Variants in DSTYK observed in about 807,000 individuals in gnomAD.
The protein encoded by DSTYK is RIP-homologous kinase.
A neutral mutation model predicts 98.7 loss-of-function variants in DSTYK; 34 were observed. That is an observed-to-expected ratio of 0.34 (90% CI 0.26 to 0.46). The LOEUF is 0.46. Ranked by LOEUF, DSTYK falls within the 20% of genes least tolerant of loss-of-function variation. The pLI, the probability that DSTYK is intolerant of heterozygous loss-of-function variation, is 1.00. For synonymous variants in DSTYK, 462 were observed against 457.3 expected (o/e 1.01, Z -0.13); for missense variants, 962 against 1,181.7 (o/e 0.81, Z 2.73).
chr1:205,161,614 C>T (rs1021521113), intron 6 of DSTYK, among the ~76,000 whole-genome samples: 2 of 152,182 alleles, frequency 1.3e-5, no homozygotes, highest in African/African-American at 4.8e-5. Flanking sequence ...CCTGGACACA[C>T]CCACTCCCCG....
At position 205,155,233 on chromosome 1, in the gene DSTYK, C is replaced by T. The variant is rs183081630; in HGVS notation, c.2352+2040G>A. 4.7e-3 allele frequency among the ~76,000 whole-genome samples: 716 copies of T among 152,050 alleles called. 8 individuals carry two copies. Among genetic ancestry groups the T allele is most frequent in the African/African-American group, 0.016 (682 of 41,488 alleles). On this transcript the variant is annotated intron_variant, in intron 10 of 12. Transcript: ENST00000367162. The stretch of plus-strand genomic sequence containing the variant: ...TCCTGACTTTAGGTGATCCACCCAC[C>T]TTGGCCTCCCAAAGTGCTGGGATTA...
At chr1:205,199,785 G>A (rs1658972366) in intron 1 of DSTYK, among the ~76,000 whole-genome samples, 1 of 152,132 alleles carries the variant, frequency 6.6e-6, no homozygotes, top group South Asian at 2.1e-4. Context: ...CTATTTTCCT[G>A]TAAGAAGGAG....
intron 2 of DSTYK, among the ~76,000 whole-genome samples, chr1:205,176,504 A>G (rs1014196374): frequency 2.0e-5 from 3 of 150,596 alleles, no homozygotes; most frequent in African/African-American, 7.3e-5. Flanking sequence ...AAAAAAAAAA[A>G]AAAAAGAAAT....
Position 205,160,116 on chromosome 1 carries a change from C to T in DSTYK, c.2103G>A (p.Met701Ile). Reference sequence around the variant, plus strand: ...AGATGAATGAGGCCAGGACCCACCTCATATAGTGAAATTCCAAAGCCAGAT... The same window carrying T: ...AGATGAATGAGGCCAGGACCCACCTTATATAGTGAAATTCCAAAGCCAGAT... ...WNDLALEFHY[M>I]RSLPKHERLV... Residue 701 changes from methionine (M) to isoleucine (I), a missense_variant and splice_region_variant, in exon 8 of 13, where the codon ATG becomes ATA. Around this residue, in one of 4 missense-constraint regions of DSTYK, gnomAD observed 660 missense variants for 855.0 expected, o/e 0.77. Transcript: ENST00000367162. The T allele has an allele frequency of 6.2e-7, 1 of 1,614,152 alleles. No homozygotes were observed. The highest frequency in any genetic ancestry group is 8.5e-7 in the Non-Finnish European group (1 of 1,180,000).
rs202155350 is a variant in DSTYK at position 205,160,255 on chromosome 1, C to G, written c.1964G>C (p.Gly655Ala). Reference sequence around the variant, plus strand: ...ATACTGGCCCCGGCCCAGTTCCTGTCCCAGTTTAGGTTTACCTATAAGGTA... The same window carrying G: ...ATACTGGCCCCGGCCCAGTTCCTGTGCCAGTTTAGGTTTACCTATAAGGTA... ...DVLLHRKPKL[G>A]QELGRGQYGV... Residue 655 changes from glycine (G) to alanine (A), a missense_variant, in exon 8 of 13, where the codon GGA (glycine) becomes GCA (alanine). By Grantham distance (60) the Gly-to-Ala change is moderately conservative. This residue lies in a region of DSTYK where 660 missense variants were observed against 855.0 expected (regional missense o/e 0.77). Coordinates refer to ENST00000367162, the MANE Select transcript of DSTYK (RefSeq NM_015375.3). The G allele has an allele frequency of 6.2e-7, 1 of 1,614,036 alleles. No homozygotes were observed.
intron 2 of DSTYK, among the ~76,000 whole-genome samples, chr1:205,184,445 G>A (rs538127488): frequency 2.0e-5 from 3 of 151,906 alleles, no homozygotes; most frequent in South Asian, 2.1e-4. Context: ...GGTGGCAGGC[G>A]CCTATAATCC....
At chr1:205,208,354 T>C (rs1474589122) in intron 1 of DSTYK, among the ~76,000 whole-genome samples, 1 of 152,220 alleles carries the variant, frequency 6.6e-6, no homozygotes, top group Non-Finnish European at 1.5e-5. Context: ...AAATGGTATA[T>C]AGACATGAAA....
At chr1:205,159,863 C>G (rs1053003133) in intron 8 of DSTYK, 184 bp from the exon 9 acceptor site, 2 of 819,590 alleles carry the variant, frequency 2.4e-6, no homozygotes, top group Non-Finnish European at 3.8e-6. Context: ...ATGAAGAATC[C>G]TGGATTCTAA....
Position 205,195,039 on chromosome 1 carries a change from C to A in DSTYK, c.266-7233G>T, listed in dbSNP as rs1470594857. Among the ~76,000 whole-genome samples the A allele has an allele frequency of 2.0e-5, 3 of 148,002 alleles. No homozygotes were observed. In the Admixed American group the frequency reaches 2.0e-4, roughly 10 times the overall value. On this transcript the variant is annotated intron_variant, in intron 1 of 12. Transcript: ENST00000367162. The stretch of plus-strand genomic sequence containing the variant: ...ACAGGATTTCACCATGTTGGCCAGG[C>A]TGATCTCAAACTCCTGACCTCAGGT...
intron 10 of DSTYK, among the ~76,000 whole-genome samples, chr1:205,155,971 T>G (rs1005316045): frequency 3.3e-5 from 5 of 152,208 alleles, no homozygotes; most frequent in African/African-American, 1.2e-4. Flanking sequence ...GGCCACCACA[T>G]AGCTCAGGCC....
chr1:205,163,100 A>G, intron 4 of DSTYK, 94 bp from the exon 5 acceptor site: 1 of 1,125,568 alleles, frequency 8.9e-7, no homozygotes, highest in Non-Finnish European at 1.4e-6. Context: ...CACAGTCCAG[A>G]CTCAGGGTTT....
Position 205,169,705 on chromosome 1 carries a change from T to G in DSTYK, c.782A>C (p.Asp261Ala), listed in dbSNP as rs1657997241. 6.2e-7 allele frequency: 1 copy of G among 1,614,232 alleles called. No homozygotes were observed. Among genetic ancestry groups the G allele is most frequent in the African/African-American group, 1.3e-5 (1 of 75,072 alleles). ...ALHKDELSER[D>A]EQELQEIRKY... ...TCGGATTTCCTGAAGCTCTTGCTCA[T>G]CCCTCTCAGAGAGTTCATCTTTGTG... Residue 261 changes from aspartate (D) to alanine (A), a missense_variant, in exon 3 of 13, where the codon GAT becomes GCT. Around this residue, in one of 4 missense-constraint regions of DSTYK, gnomAD observed 660 missense variants for 855.0 expected, o/e 0.77. Transcript: ENST00000367162. The surrounding 1 kb of genome is among the most constrained non-coding windows in gnomAD (Gnocchi z 4.0).
At chr1:205,205,631 A>T (rs1019182224) in intron 1 of DSTYK, among the ~76,000 whole-genome samples, 1 of 151,922 alleles carries the variant, frequency 6.6e-6, no homozygotes, top group Non-Finnish European at 1.5e-5. Context: ...ATTTTAGTGG[A>T]GACGATGTTT....
Position 205,211,635 on chromosome 1 carries a change from C to T in DSTYK, c.-100G>A. Reference sequence around the variant, plus strand: ...GCCGAAGGGAGGAGGAATCCGCCTCCTGACGCCCCCGCCTGCAGTCAGCCT... The same window carrying T: ...GCCGAAGGGAGGAGGAATCCGCCTCTTGACGCCCCCGCCTGCAGTCAGCCT... On this transcript the variant is annotated 5_prime_UTR_variant, in exon 1 of 13. Coordinates refer to ENST00000367162, the MANE Select transcript of DSTYK (RefSeq NM_015375.3). 7.2e-7 allele frequency: 1 copy of T among 1,381,830 alleles called. No homozygotes were observed. The highest frequency in any genetic ancestry group is 9.4e-7 in the Non-Finnish European group (1 of 1,068,280). The allele number at this position is 1,381,830 out of a possible 1,614,324, so 85.6% of individuals were successfully genotyped here.
intron 1 of DSTYK, among the ~76,000 whole-genome samples, chr1:205,208,701 C>T (rs1262427816): frequency 6.6e-6 from 1 of 152,086 alleles, no homozygotes; most frequent in Non-Finnish European, 1.5e-5. Flanking sequence ...AAGTGAGACC[C>T]CATCTTTACA....
Position 205,150,906 on chromosome 1 carries a change from T to C in DSTYK, c.2353-112A>G. On this transcript the variant is annotated intron_variant, in intron 10 of 12. Transcript: ENST00000367162. This position sits in a 1 kb window ranked among gnomAD's most constrained non-coding sequence, Gnocchi z 4.1. ...AAAGTAGTGTCACTGGATAGGATTA[T>C]GCTCTGAAAATGAGTTGTCAGGTGA... 3 of 826,352 alleles carry C rather than the reference T, an allele frequency of 3.6e-6. No individual in the cohort carries two copies. The highest frequency in any genetic ancestry group is 2.9e-5 in the South Asian group (2 of 69,036). The allele number at this position is 826,352 out of a possible 1,614,324, so 51.2% of individuals were successfully genotyped here. A position where few individuals can be genotyped will look rare whatever the true frequency, so the allele number is the denominator to read the frequency against.
At chr1:205,201,180 C>A (rs909177134) in intron 1 of DSTYK, among the ~76,000 whole-genome samples, 1 of 152,118 alleles carries the variant, frequency 6.6e-6, no homozygotes, top group South Asian at 2.1e-4. Context: ...GCTGGGATTA[C>A]AGGCATGAGC....
chr1:205,171,454 T>TAA (rs10536424), intron 2 of DSTYK, among the ~76,000 whole-genome samples: 3 of 115,188 alleles, frequency 2.6e-5, no homozygotes, highest in South Asian at 2.8e-4. Flanking sequence ...CTGTCTCAAT[T>TAA]AAAAAAAAAA....
chr1:205,151,779 C>T (rs1657413935), intron 10 of DSTYK, among the ~76,000 whole-genome samples: 1 of 150,990 alleles, frequency 6.6e-6, no homozygotes, highest in South Asian at 2.1e-4. Flanking sequence ...GGGTCAGGAT[C>T]ATCTATATCA....
Sources: gnomAD v4.1 joint callset for allele counts (sites outside exome capture counted in the v4.1 genomes callset) on GRCh38, gnomAD v4.1.1 for gene constraint, gnomAD v4.1.1 regional missense constraint, Gnocchi (gnomAD v3.1) non-coding constraint, MANE v1.5 for transcripts, NCBI Gene and HGNC (gene_info 2026-07-23, HGNC 2026-07-21) for gene names.